SRSF11: variants seen among roughly 807,000 people sequenced by gnomAD.
SRSF11 encodes the protein serine and arginine rich splicing factor 11, also known as serine/arginine-rich splicing factor 11.
SRSF11 carries 9 observed loss-of-function variants against 56.0 expected under a neutral mutation model. The observed-to-expected ratio is 0.16, with a 90% CI of 0.10 to 0.28. The LOEUF (loss-of-function observed/expected upper bound fraction) is 0.28, where lower values mean the gene tolerates loss of function less well. Among genes scored for constraint, SRSF11 ranks in the 10% least tolerant of loss-of-function variants. SRSF11 has a pLI of 1.00. For missense variants in SRSF11, 421 were observed against 600.7 expected, an observed-to-expected ratio of 0.70 and a Z score of 3.13; for synonymous variants, 222 against 215.3, an observed-to-expected ratio of 1.03 and a Z score of -0.27.
chr1:70,229,817 A>C lies in SRSF11; in HGVS notation c.337+1262A>C, dbSNP rs1672517243. On this transcript the variant is annotated intron_variant, in intron 2 of 11. Transcript: ENST00000370949. Reference sequence around the variant, plus strand: ...ATTAACTTATATTTATAAATGGGTTAAGACATGTTATGTAATAGTACCTCT... The same window carrying C: ...ATTAACTTATATTTATAAATGGGTTCAGACATGTTATGTAATAGTACCTCT... 3.0e-6 allele frequency: 3 copies of C among 983,756 alleles called. No homozygotes were observed. In the South Asian group the frequency reaches 1.4e-4, roughly 46 times the overall value. The allele number at this position is 983,756 out of a possible 1,614,324, so 60.9% of individuals were successfully genotyped here. A position where few individuals can be genotyped will look rare whatever the true frequency, so the allele number is the denominator to read the frequency against.
intron 1 of SRSF11, among the ~76,000 whole-genome samples, chr1:70,223,162 TAATG>T (rs1361039823): frequency 6.6e-6 from 1 of 152,200 alleles, no homozygotes; most frequent in Admixed American, 6.5e-5. Context: ...CTTGTAAAAT[TAATG>T]AACAGTAAAA....
chr1:70,224,864 T>G (rs759349288), intron 1 of SRSF11, among the ~76,000 whole-genome samples: 6 of 152,236 alleles, frequency 3.9e-5, no homozygotes, highest in Non-Finnish European at 7.3e-5. Context: ...GTACTGGAAA[T>G]GCAGCATTGT....
exon 1 of SRSF11, chr1:70,205,731 C>A (rs1348203698): frequency 2.0e-6 from 1 of 509,746 alleles, no homozygotes; most frequent in African/African-American, 1.9e-5. Flanking sequence ...GACAGAGAAG[C>A]CTTTTCCGTT....
At chr1:70,232,821 A>T (rs547855651) in intron 3 of SRSF11, among the ~76,000 whole-genome samples, 5 of 152,126 alleles carry the variant, frequency 3.3e-5, no homozygotes, top group Admixed American at 3.3e-4. Flanking sequence ...GCAATTCTTG[A>T]TGGAGATGTT....
In SRSF11 at chr1:70,251,865, A is replaced by G. The variant is rs1478008132; in HGVS notation, c.*1060A>G. ...TCATGTTATATATGCAAAGTAGGCAACTGTTTTCTTAGTTACAGAAGTTTC... is the reference window on the plus strand; with the variant it reads ...TCATGTTATATATGCAAAGTAGGCAGCTGTTTTCTTAGTTACAGAAGTTTC... On this transcript the variant is annotated 3_prime_UTR_variant, in exon 12 of 12. Transcript: ENST00000370949. 5 of 152,594 alleles carry G rather than the reference A, an allele frequency of 3.3e-5. No individual in the cohort carries two copies. Among genetic ancestry groups the G allele is most frequent in the African/African-American group, 1.2e-4 (5 of 41,460 alleles). The allele number at this position is 152,594 out of a possible 1,614,324, so 9.5% of individuals were successfully genotyped here.
chr1:70,217,988 T>TG (rs1670171544), upstream of SRSF11, among the ~76,000 whole-genome samples: 1 of 147,178 alleles, frequency 6.8e-6, no homozygotes, highest in Non-Finnish European at 1.5e-5. Context: ...TTTGTGTGTG[T>TG]TTTTTGTTTT....
chr1:70,215,526 T>C (rs1669930890), intron 1 of SRSF11, among the ~76,000 whole-genome samples: 1 of 152,186 alleles, frequency 6.6e-6, no homozygotes, highest in South Asian at 2.1e-4. Flanking sequence ...TTGTTAGGTA[T>C]CAGAAACCCA....
chr1:70,232,669 G>A (rs914948784), intron 3 of SRSF11, among the ~76,000 whole-genome samples: 2 of 152,132 alleles, frequency 1.3e-5, no homozygotes, highest in African/African-American at 4.8e-5. Context: ...TGAACACACT[G>A]TTAAAAATAT....
chr1:70,220,633 A>G (rs1670446437), upstream of SRSF11, among the ~76,000 whole-genome samples: 1 of 152,078 alleles, frequency 6.6e-6, no homozygotes, highest in African/African-American at 2.4e-5. Context: ...GTGGATCACC[A>G]GAGGTCAGGA....
intron 2 of SRSF11, chr1:70,230,414 A>G (rs1333189055): frequency 1.2e-5 from 14 of 1,158,580 alleles, no homozygotes; most frequent in Non-Finnish European, 1.5e-5. Context: ...ACGGTAAGGA[A>G]TAGTCTTAAT....
Position 70,235,567 on chromosome 1 carries a change from T to C in SRSF11, c.590+17T>C, listed in dbSNP as rs759613465. ...TGATCCCAAGTAAGCGTTTTTTCTT[T>C]GTTTTCATTGGTGATGTGGTATCTG... is the stretch of plus-strand genomic sequence containing the variant. On this transcript the variant is annotated intron_variant, in intron 5 of 11. Transcript: ENST00000370949. The C allele has an allele frequency of 2.5e-6, 4 of 1,608,642 alleles. No homozygotes were observed. Among genetic ancestry groups the C allele is most frequent in the Non-Finnish European group, 3.4e-6 (4 of 1,178,618 alleles).
At chr1:70,218,648 T>G (rs1164232424), upstream of SRSF11, 2 of 152,234 alleles carry the variant, frequency 1.3e-5, no homozygotes, top group African/African-American at 4.8e-5. Flanking sequence ...AACCCTGACC[T>G]TCTGTTATTT....
At chr1:70,214,671 A>G (rs1036948188) in intron 1 of SRSF11, among the ~76,000 whole-genome samples, 23 of 152,262 alleles carry the variant, frequency 1.5e-4, no homozygotes, top group Middle Eastern at 3.4e-3. Flanking sequence ...CTGTCCTGGT[A>G]TGTGTGTCCA....
chr1:70,215,812 G>A (rs192598128), intron 1 of SRSF11, among the ~76,000 whole-genome samples: 97 of 152,074 alleles, frequency 6.4e-4, no homozygotes, highest in African/African-American at 2.1e-3. Context: ...ATGGAATTTC[G>A]CTCTTGTTAC....
intron 2 of SRSF11, 72 bp from the exon 3 acceptor site, chr1:70,232,196 T>A (rs1197107068): frequency 2.5e-6 from 4 of 1,610,508 alleles, no homozygotes; most frequent in Non-Finnish European, 2.5e-6. Context: ...CAGGGAGACA[T>A]TTTCTGGGTG....
At chr1:70,208,388 C>A (rs1176565832) in intron 1 of SRSF11, among the ~76,000 whole-genome samples, 1 of 152,066 alleles carries the variant, frequency 6.6e-6, no homozygotes, top group African/African-American at 2.4e-5. Flanking sequence ...GCCTAGAGTG[C>A]AATGGCTCAA....
chr1:70,233,539 C>T (rs752554192), intron 3 of SRSF11, among the ~76,000 whole-genome samples: 1 of 152,212 alleles, frequency 6.6e-6, no homozygotes, highest in Non-Finnish European at 1.5e-5. Flanking sequence ...CGCGCCCAGT[C>T]CAGATCTGGG....
intron 10 of SRSF11, 59 bp downstream of exon 10, chr1:70,250,106 A>T: frequency 2.7e-6 from 4 of 1,481,612 alleles, no homozygotes; most frequent in Non-Finnish European, 3.7e-6. Flanking sequence ...TTTCATTTTA[A>T]AACTGTCCTG....
rs934902517 is a variant in SRSF11 at position 70,251,743 on chromosome 1, A to G, written c.*938A>G. 1.3e-5 allele frequency: 2 copies of G among 152,630 alleles called. No homozygotes were observed. The highest frequency in any genetic ancestry group is 1.3e-4 in the Admixed American group (2 of 15,282). The allele number at this position is 152,630 out of a possible 1,614,324, so 9.5% of individuals were successfully genotyped here. A position where few individuals can be genotyped will look rare whatever the true frequency, so the allele number is the denominator to read the frequency against. On this transcript the variant is annotated 3_prime_UTR_variant, in exon 12 of 12. Coordinates refer to ENST00000370949, the MANE Select transcript of SRSF11 (RefSeq NM_001350605.2). ...GACCTTCATACGCTTTTAAAATAAG[A>G]CAAATCTACTTGATAATGTACCTTT...
Sources: gnomAD v4.1 joint callset for allele counts (sites outside exome capture counted in the v4.1 genomes callset) on GRCh38, gnomAD v4.1.1 for gene constraint, MANE v1.5 for transcripts, NCBI Gene and HGNC (gene_info 2026-07-23, HGNC 2026-07-21) for gene names.